SFI1: variants seen among roughly 807,000 people sequenced by gnomAD.
The protein encoded by SFI1 is protein SFI1 homolog.
A neutral mutation model predicts 207.5 loss-of-function variants in SFI1; 195 were observed. That is an observed-to-expected ratio of 0.94 (90% confidence interval 0.84 to 1.06). The LOEUF (loss-of-function observed/expected upper bound fraction) is 1.06, where lower values mean the gene tolerates loss of function less well. Among genes scored for constraint, SFI1 ranks in the 50% least tolerant of loss-of-function variants. SFI1 has a pLI of 0.00. For missense variants in SFI1, 1,634 were observed against 1,588.0 expected, an observed-to-expected ratio of 1.03 and a Z score of -0.49; for synonymous variants, 630 against 598.9, an observed-to-expected ratio of 1.05 and a Z score of -0.76.
chr22:31,608,443 G>T (rs533232615), intron 22 of SFI1, among the ~76,000 whole-genome samples: 1 of 152,126 alleles, frequency 6.6e-6, no homozygotes, highest in East Asian at 1.9e-4. Flanking sequence ...CCCTACTTGA[G>T]TGTGACACCA....
Position 31,550,293 on chromosome 22 carries a change from C to G in SFI1, c.489C>G (p.Thr163=). 1 of 1,614,060 alleles carries G rather than the reference C, an allele frequency of 6.2e-7. No individual in the cohort carries two copies. Among genetic ancestry groups the G allele is most frequent in the Non-Finnish European group, 8.5e-7 (1 of 1,179,992 alleles). Residue 163 remains threonine, a synonymous_variant, in exon 6 of 33, where the codon ACC becomes ACG. Coordinates refer to ENST00000400288, the MANE Select transcript of SFI1 (RefSeq NM_001007467.3). ...LYNLMFQTWK[T]YVRQQQEMRN... Reference sequence around the variant, plus strand: ...ACCTGATGTTCCAGACGTGGAAGACCTATGTGCGTCAGCAGCAGGAGATGA... The same window carrying G: ...ACCTGATGTTCCAGACGTGGAAGACGTATGTGCGTCAGCAGCAGGAGATGA...
At chr22:31,540,060 T>G (rs1375385336) in intron 4 of SFI1, among the ~76,000 whole-genome samples, 1 of 151,518 alleles carries the variant, frequency 6.6e-6, no homozygotes. Context: ...ACTTGAAGGC[T>G]TCACTGTAGG....
chr22:31,512,391 C>A (rs2055727927), intron 2 of SFI1, among the ~76,000 whole-genome samples: 1 of 151,630 alleles, frequency 6.6e-6, no homozygotes, highest in Non-Finnish European at 1.5e-5. Context: ...AAGAATATTT[C>A]AGTTTATCTA....
intron 2 of SFI1, among the ~76,000 whole-genome samples, chr22:31,518,233 G>A (rs1201209270): frequency 6.6e-6 from 1 of 152,098 alleles, no homozygotes; most frequent in Admixed American, 6.6e-5. Flanking sequence ...CAGTCAAGGT[G>A]ATCTGCCCGC....
chr22:31,550,216 T>A (rs1323365089), intron 5 of SFI1, 38 bp from the exon 6 acceptor site: 1 of 1,575,636 alleles, frequency 6.3e-7, no homozygotes, highest in Non-Finnish European at 8.7e-7. Context: ...CGGCCTGTTA[T>A]TTTGAAGAAA....
At chr22:31,567,006 C>T (rs1393048044) in intron 8 of SFI1, among the ~76,000 whole-genome samples, 1 of 152,054 alleles carries the variant, frequency 6.6e-6, no homozygotes, top group Non-Finnish European at 1.5e-5. Flanking sequence ...CCTGGGTTCA[C>T]GCCATTCTTC....
At chr22:31,524,806 AT>A (rs112957515) in intron 2 of SFI1, among the ~76,000 whole-genome samples, 4,226 of 143,386 alleles carry the variant, frequency 0.029, 154 homozygotes, top group Admixed American at 0.083. Context: ...TTGTAATCCC[AT>A]TTTTTTTTAT....
chr22:31,531,209 C>T (rs2058486099), intron 4 of SFI1, 80 bp downstream of exon 4: 1 of 1,160,926 alleles, frequency 8.6e-7, no homozygotes, highest in East Asian at 2.4e-5. Context: ...ATATAAACTT[C>T]ATTATGGCTT....
chr22:31,563,145 G>A (rs373793481), intron 8 of SFI1, among the ~76,000 whole-genome samples: 2 of 151,426 alleles, frequency 1.3e-5, no homozygotes, highest in African/African-American at 2.4e-5. Flanking sequence ...GACGCATGCC[G>A]CCACGCCTGG....
In SFI1 at chr22:31,580,345, A is replaced by ACCAG. The variant is rs775380160; in HGVS notation, c.1231_1234dup (p.Gln412ProfsTer20). ...CAGCAAATAAGAAGGAATCTTGCTCACCAGCAGCATGGTGTCACGGTGAGG... is the reference window on the plus strand; with the variant it reads ...CAGCAAATAAGAAGGAATCTTGCTCACCAGCCAGCAGCATGGTGTCACGGTGAGG... On this transcript the variant is annotated frameshift_variant, in exon 12 of 33. Transcript: ENST00000400288. LOFTEE classifies it high-confidence loss of function. 41 of 1,613,784 alleles carry ACCAG rather than the reference A, an allele frequency of 2.5e-5. No individual in the cohort carries two copies. Among genetic ancestry groups the ACCAG allele is most frequent in the African/African-American group, 4.0e-5 (3 of 74,890 alleles).
chr22:31,603,760 C>A lies in SFI1; in HGVS notation c.1822C>A (p.Arg608=), dbSNP rs746813468. ...TCCCCACAGGAGGACGGGCAGGGTG[C>A]GGGCAGCAGAATTCCACATGGCCCA... The part of the protein sequence containing the change: ...GLRTERTGRV[R]AAEFHMAQLL... The change falls in exon 18 of 33, where the codon CGG becomes AGG. Residue 608 remains arginine, a synonymous_variant. Coordinates refer to ENST00000400288, the MANE Select transcript of SFI1 (RefSeq NM_001007467.3). 4 of 1,541,926 alleles carry A rather than the reference C, an allele frequency of 2.6e-6. No homozygotes were observed. Among genetic ancestry groups the A allele is most frequent in the Non-Finnish European group, 3.5e-6 (4 of 1,157,442 alleles).
In SFI1 at chr22:31,618,549, G is replaced by GAAGT; in HGVS notation, c.*132_*135dup. 1.1e-6 allele frequency: 1 copy of GAAGT among 932,994 alleles called. No individual in the cohort carries two copies. The highest frequency in any genetic ancestry group is 2.3e-5 in the South Asian group (1 of 43,064). 57.8% of individuals were successfully genotyped at this position (932,994 alleles called of 1,614,324 possible). ...TTGCAATTAAATGAATTACTGTTCAGAAGTCTCCCACTTTTCATACAAAAA... is the reference window on the plus strand; with the variant it reads ...TTGCAATTAAATGAATTACTGTTCAGAAGTAAGTCTCCCACTTTTCATACAAAAA... On this transcript the variant is annotated 3_prime_UTR_variant, in exon 33 of 33. Coordinates refer to ENST00000400288, the MANE Select transcript of SFI1 (RefSeq NM_001007467.3).
chr22:31,529,262 A>C (rs1476432170), intron 3 of SFI1, among the ~76,000 whole-genome samples: 1 of 152,190 alleles, frequency 6.6e-6, no homozygotes, highest in African/African-American at 2.4e-5. Context: ...TCAAAAATTT[A>C]TCAGGTCAGG....
At position 31,608,173 on chromosome 22, in the gene SFI1, T is replaced by C. The variant is rs143630193; in HGVS notation, c.2254+140T>C. 1.8e-3 allele frequency: 1,100 copies of C among 624,894 alleles called. 13 individuals carry two copies. In the African/African-American group the frequency reaches 0.019, roughly 11 times the overall value. The allele number at this position is 624,894 out of a possible 1,614,324, so 38.7% of individuals were successfully genotyped here. A position where few individuals can be genotyped will look rare whatever the true frequency, so the allele number is the denominator to read the frequency against. On this transcript the variant is annotated intron_variant, in intron 22 of 32. Transcript: ENST00000400288. ...GTTGCCATGACAAAGTACCACAGAC[T>C]GGGAGTCTTCAAACAACACAAAATT...
At chr22:31,521,846 C>T (rs560566307) in intron 2 of SFI1, among the ~76,000 whole-genome samples, 1 of 152,104 alleles carries the variant, frequency 6.6e-6, no homozygotes, top group Non-Finnish European at 1.5e-5. Context: ...TCACTGTAAC[C>T]TCCACCTCCT....
In SFI1 at chr22:31,611,138, C is replaced by T; in HGVS notation, c.2255-5C>T. On this transcript the variant is annotated splice_polypyrimidine_tract_variant and splice_region_variant and intron_variant, in intron 22 of 32. Transcript: ENST00000400288. The stretch of plus-strand genomic sequence containing the variant: ...ACAGCAAACTCTGACTTGGATCTGC[C>T]TTAGGCTGTCTGCGGACCTGGTTTC... The T allele has an allele frequency of 6.2e-7, 1 of 1,614,208 alleles. No individual in the cohort carries two copies. Among genetic ancestry groups the T allele is most frequent in the South Asian group, 1.1e-5 (1 of 91,084 alleles).
At chr22:31,564,814 A>ATTTTTTTTTTTTTTTT (rs776647555) in intron 8 of SFI1, among the ~76,000 whole-genome samples, 1 of 111,956 alleles carries the variant, frequency 8.9e-6, no homozygotes, top group African/African-American at 3.8e-5. Flanking sequence ...CTGGCCCAGA[A>ATTTTTTTTTTTTTTTT]TTTTTTTTTT....
intron 6 of SFI1, 119 bp from the exon 7 acceptor site, chr22:31,556,823 G>C (rs2061214773): frequency 3.4e-6 from 2 of 591,792 alleles, no homozygotes; most frequent in Non-Finnish European, 5.8e-6. Flanking sequence ...TTTCCAGCAG[G>C]GGTCACTTGT....
At chr22:31,501,134 A>T (rs1192795939) in intron 1 of SFI1, among the ~76,000 whole-genome samples, 1 of 150,720 alleles carries the variant, frequency 6.6e-6, no homozygotes, top group Non-Finnish European at 1.5e-5. Context: ...TTAGTTTTTT[A>T]GACAATGCTA....
Sources: allele counts gnomAD v4.1 joint callset (sites outside exome capture counted in the v4.1 genomes callset), GRCh38; gene constraint gnomAD v4.1.1; transcripts MANE v1.5; gene names NCBI Gene and HGNC (gene_info 2026-07-23, HGNC 2026-07-21).